DHX33: variants seen among roughly 807,000 people sequenced by gnomAD.
DHX33 encodes the protein ATP-dependent RNA helicase DHX33.
In DHX33, 42 loss-of-function variants were observed where a neutral mutation model predicts 72.5. The ratio of observed to expected loss-of-function variants is 0.58; its 90% confidence interval spans 0.45 to 0.75. The LOEUF (loss-of-function observed/expected upper bound fraction) is 0.75. DHX33 is among the 30% of genes least tolerant of loss of function. DHX33 has a pLI of 0.00. For synonymous variants in DHX33, 358 were observed against 366.1 expected (o/e 0.98, Z 0.25); for missense variants, 842 against 917.5 (o/e 0.92, Z 1.06).
intron 2 of DHX33, among the ~76,000 whole-genome samples, chr17:5,462,987 C>G (rs1257604254): frequency 1.3e-5 from 2 of 151,844 alleles, no homozygotes; most frequent in Non-Finnish European, 2.9e-5. Flanking sequence ...GAGGCTGAGG[C>G]AGGAGAATTG....
intron 1 of DHX33, among the ~76,000 whole-genome samples, chr17:5,468,344 G>A (rs1458109815): frequency 6.6e-6 from 1 of 152,218 alleles, no homozygotes; most frequent in Non-Finnish European, 1.5e-5. Flanking sequence ...TTACGCGGAA[G>A]GTGAGTCTTT....
At chr17:5,460,170 A>G (rs1038857673) in intron 4 of DHX33, among the ~76,000 whole-genome samples, 17 of 151,832 alleles carry the variant, frequency 1.1e-4, no homozygotes, top group African/African-American at 3.1e-4. Context: ...GCCCGCTACC[A>G]CACCCGGCTA....
In DHX33 at chr17:5,453,561, A is replaced by G; in HGVS notation, c.1396+19T>C. On this transcript the variant is annotated intron_variant, in intron 8 of 11. Transcript: ENST00000225296. ...TTGTCTCCTCACCCACCTTCTGCAA[A>G]ACTGTGGATTTCACTTACCTGGAGA... 1 of 1,611,542 alleles carries G rather than the reference A, an allele frequency of 6.2e-7. No homozygotes were observed. The highest frequency in any genetic ancestry group is 1.1e-5 in the South Asian group (1 of 91,016).
chr17:5,458,190 G>A (rs1321196566), intron 4 of DHX33, among the ~76,000 whole-genome samples: 1 of 152,090 alleles, frequency 6.6e-6, no homozygotes, highest in Admixed American at 6.6e-5. Context: ...GAAGAGTCAA[G>A]ATGACAGCTG....
chr17:5,450,511 G>C, intron 9 of DHX33, 105 bp from the exon 10 acceptor site: 2 of 1,233,396 alleles, frequency 1.6e-6, no homozygotes, highest in Non-Finnish European at 2.3e-6. Flanking sequence ...GGAGTTAAAG[G>C]GCAGGTATTT....
Position 5,450,387 on chromosome 17 carries a change from T to C in DHX33, c.1544A>G (p.Lys515Arg), listed in dbSNP as rs765160133. Residue 515 changes from lysine (K) to arginine (R), a missense_variant, in exon 10 of 12, where the codon AAA (lysine) becomes AGA (arginine). Lys to Arg is a conservative substitution (Grantham distance 26, BLOSUM62 2). Coordinates refer to ENST00000225296, the MANE Select transcript of DHX33 (RefSeq NM_020162.4). ...KFAKTILMSP[K>R]FHCTEEILTI... ...CAGGATCTCCTCTGTACAGTGGAAT[T>C]TGGGGGACATGAGGATGGTCTGCAA... is the stretch of plus-strand genomic sequence containing the variant. The C allele has an allele frequency of 1.9e-5, 31 of 1,613,978 alleles. No individual in the cohort carries two copies. Among genetic ancestry groups the C allele is most frequent in the Middle Eastern group, 3.3e-4 (2 of 6,082 alleles).
chr17:5,462,593 C>T (rs1413379845), intron 2 of DHX33, 47 bp from the exon 3 acceptor site: 2 of 1,458,662 alleles, frequency 1.4e-6, no homozygotes, highest in Admixed American at 1.7e-5. Flanking sequence ...TTCTTGAGCG[C>T]CCACTGTGTC....
intron 8 of DHX33, among the ~76,000 whole-genome samples, chr17:5,451,756 TA>T (rs1462318133): frequency 6.6e-6 from 1 of 152,220 alleles, no homozygotes; most frequent in African/African-American, 2.4e-5. Context: ...GAGTGATCTG[TA>T]AAATGTATTA....
rs1247158997 is a variant in DHX33 at position 5,443,627 on chromosome 17, G to A, written c.*578C>T. 1 of 152,680 alleles carries A rather than the reference G, an allele frequency of 6.5e-6. No individual in the cohort carries two copies. The highest frequency in any genetic ancestry group is 1.5e-5 in the Non-Finnish European group (1 of 68,456). The allele number at this position is 152,680 out of a possible 1,614,324, so 9.5% of individuals were successfully genotyped here. ...GCACCTCCCTCTGGAAACTTCTACA[G>A]AAGTCAGTTTTGTTTTCTATTTTAA... On this transcript the variant is annotated 3_prime_UTR_variant, in exon 12 of 12. Transcript: ENST00000225296.
At chr17:5,468,351 CTTTGCCTACA>C (rs895764912) in intron 1 of DHX33, among the ~76,000 whole-genome samples, 1 of 152,218 alleles carries the variant, frequency 6.6e-6, no homozygotes, top group African/African-American at 2.4e-5. Flanking sequence ...GAAGGTGAGT[CTTTGCCTACA>C]CACGTTGGTC....
chr17:5,460,046 G>C (rs1448093498), intron 4 of DHX33, among the ~76,000 whole-genome samples: 1 of 137,988 alleles, frequency 7.2e-6, no homozygotes, highest in East Asian at 2.0e-4. Context: ...ACAGACCCTC[G>C]CCCTGTCACC....
intron 1 of DHX33, among the ~76,000 whole-genome samples, chr17:5,467,211 A>G (rs2151693882): frequency 6.6e-6 from 1 of 152,320 alleles, no homozygotes; most frequent in South Asian, 2.1e-4. Context: ...GCCTGGAACT[A>G]ATGTTCTTAC....
At chr17:5,445,371 G>A (rs757133359) in intron 11 of DHX33, among the ~76,000 whole-genome samples, 1 of 152,174 alleles carries the variant, frequency 6.6e-6, no homozygotes, top group Non-Finnish European at 1.5e-5. Flanking sequence ...GAGCCACCGC[G>A]CCCGGCCTCA....
intron 5 of DHX33, among the ~76,000 whole-genome samples, 168 bp downstream of exon 5, chr17:5,455,829 C>T (rs768579531): frequency 2.9e-4 from 44 of 152,208 alleles, no homozygotes; most frequent in Non-Finnish European, 5.6e-4. Flanking sequence ...AGGAGCGCTG[C>T]GTGTGTCACC....
rs1454632039 is a variant in DHX33, at chr17:5,468,933, C to T, written c.-74G>A. 31 of 1,482,906 alleles carry T rather than the reference C, an allele frequency of 2.1e-5. No individual in the cohort carries two copies. Among genetic ancestry groups the T allele is most frequent in the South Asian group, 4.9e-5 (4 of 81,942 alleles). 91.9% of individuals were successfully genotyped at this position (1,482,906 alleles called of 1,614,324 possible). ...CCCTCTCAGGTGCAGACAACAGGAG[C>T]ACACCGCCCCTTCCTCGCCGCCACG... is the stretch of plus-strand genomic sequence containing the variant. On this transcript the variant is annotated 5_prime_UTR_variant, in exon 1 of 12. Transcript: ENST00000225296.
intron 5 of DHX33, among the ~76,000 whole-genome samples, chr17:5,455,632 C>T (rs549109415): frequency 2.6e-5 from 4 of 152,286 alleles, no homozygotes; most frequent in African/African-American, 4.8e-5. Flanking sequence ...CCTGCCTTGC[C>T]GGTTCCCACG....
intron 11 of DHX33, among the ~76,000 whole-genome samples, chr17:5,445,374 C>T (rs1490061280): frequency 2.0e-5 from 3 of 152,200 alleles, no homozygotes; most frequent in South Asian, 2.1e-4. Flanking sequence ...CCACCGCGCC[C>T]GGCCTCACCA....
At chr17:5,451,314 A>C (rs1916899716) in intron 8 of DHX33, among the ~76,000 whole-genome samples, 1 of 152,188 alleles carries the variant, frequency 6.6e-6, no homozygotes, top group Admixed American at 6.5e-5. Flanking sequence ...CATGTTAGCC[A>C]GGCTGGTCTC....
chr17:5,468,578 G>A lies in DHX33; in HGVS notation c.282C>T (p.Val94=). ...GCCGGCGCGGCCACTCACCGATGAGGACCGCGTTGTCCAGGTTTCGGAGCT... is the reference window on the plus strand; with the variant it reads ...GCCGGCGCGGCCACTCACCGATGAGAACCGCGTTGTCCAGGTTTCGGAGCT... ...LAQLRNLDNA[V]LIGETGSGKT... Residue 94 remains valine, a synonymous_variant, in exon 1 of 12, where the codon GTC becomes GTT. Transcript: ENST00000225296. The A allele has an allele frequency of 6.2e-7, 1 of 1,607,744 alleles. No individual in the cohort carries two copies. The highest frequency in any genetic ancestry group is 8.5e-7 in the Non-Finnish European group (1 of 1,177,998).
Sources: gnomAD v4.1 joint callset for allele counts (sites outside exome capture counted in the v4.1 genomes callset) on GRCh38, gnomAD v4.1.1 for gene constraint, MANE v1.5 for transcripts, NCBI Gene and HGNC (gene_info 2026-07-23, HGNC 2026-07-21) for gene names.